IL6R: variants seen among roughly 807,000 people sequenced by gnomAD.
IL6R encodes the protein interleukin-6 receptor subunit alpha.
IL6R carries 38 observed loss-of-function variants against 48.3 expected under a neutral mutation model. The observed-to-expected ratio is 0.79, with a 90% CI of 0.61 to 1.03. The LOEUF is 1.03. Ranked by LOEUF, IL6R falls within the 50% of genes least tolerant of loss-of-function variation. The pLI, the probability that IL6R is intolerant of heterozygous loss-of-function variation, is 0.00. For synonymous variants in IL6R, 264 were observed against 256.2 expected (o/e 1.03, Z -0.29); for missense variants, 534 against 618.3 (o/e 0.86, Z 1.45).
intron 6 of IL6R, among the ~76,000 whole-genome samples, chr1:154,437,742 C>G (rs550476758): frequency 2.0e-5 from 3 of 150,754 alleles, no homozygotes; most frequent in Admixed American, 1.3e-4. Context: ...TAGACGGAAT[C>G]TCGCTCTGTT....
intron 1 of IL6R, among the ~76,000 whole-genome samples, chr1:154,419,142 C>T: frequency 6.6e-6 from 1 of 152,070 alleles, no homozygotes; most frequent in Admixed American, 6.5e-5. Context: ...GGGCAAGTTC[C>T]CTAACTTCTC....
In IL6R at chr1:154,414,785, C is replaced by G. The variant is rs1688237073; in HGVS notation, c.85+9071C>G. 1.0e-5 allele frequency: 8 copies of G among 762,054 alleles called. No individual in the cohort carries two copies. In the South Asian group the frequency reaches 1.1e-4, roughly 11 times the overall value. 47.2% of individuals were successfully genotyped at this position (762,054 alleles called of 1,614,324 possible). A position where few individuals can be genotyped will look rare whatever the true frequency, so the allele number is the denominator to read the frequency against. On this transcript the variant is annotated intron_variant, in intron 1 of 9. Coordinates refer to ENST00000368485, the MANE Select transcript of IL6R (RefSeq NM_000565.4). ...TCCTTGGCAGGCAGCCACTCCAGCTCCATGTGGAACTCAGCCACCCGCTTC... is the reference window on the plus strand; with the variant it reads ...TCCTTGGCAGGCAGCCACTCCAGCTGCATGTGGAACTCAGCCACCCGCTTC...
At chr1:154,432,716 C>T (rs1689368902) in intron 3 of IL6R, among the ~76,000 whole-genome samples, 1 of 152,208 alleles carries the variant, frequency 6.6e-6, no homozygotes, top group East Asian at 1.9e-4. Context: ...TGCTTGTCCT[C>T]CCGAGCAGCC....
At chr1:154,464,667 A>G (rs982398107) in intron 9 of IL6R, among the ~76,000 whole-genome samples, 24 of 152,130 alleles carry the variant, frequency 1.6e-4, no homozygotes, top group Non-Finnish European at 4.4e-5. Flanking sequence ...CCTGGTGATA[A>G]AAACAGTCGG....
intron 8 of IL6R, among the ~76,000 whole-genome samples, chr1:154,451,160 G>A (rs1690557992): frequency 6.6e-6 from 1 of 152,222 alleles, no homozygotes; most frequent in South Asian, 2.1e-4. Flanking sequence ...AAAGCTCATG[G>A]AGGAAGTGCC....
At chr1:154,459,618 AT>A (rs893068424) in intron 9 of IL6R, among the ~76,000 whole-genome samples, 1 of 151,892 alleles carries the variant, frequency 6.6e-6, no homozygotes, top group African/African-American at 2.4e-5. Flanking sequence ...AATATCAGTG[AT>A]TTTTTTCTTT....
intron 1 of IL6R, among the ~76,000 whole-genome samples, chr1:154,416,830 G>T (rs1453006028): frequency 6.6e-6 from 1 of 151,816 alleles, no homozygotes; most frequent in Non-Finnish European, 1.5e-5. Context: ...CACACTGGGT[G>T]GGTTTTTACA....
At chr1:154,419,263 G>A (rs956719916) in intron 1 of IL6R, among the ~76,000 whole-genome samples, 12 of 152,174 alleles carry the variant, frequency 7.9e-5, no homozygotes, top group Non-Finnish European at 1.5e-5. Flanking sequence ...AAGTGTCCCA[G>A]TTGCTAATGA....
At position 154,468,296 on chromosome 1, in the gene IL6R, C is replaced by T. The variant is rs112227838; in HGVS notation, c.*2916C>T. On this transcript the variant is annotated 3_prime_UTR_variant, in exon 10 of 10. Coordinates refer to ENST00000368485, the MANE Select transcript of IL6R (RefSeq NM_000565.4). Reference sequence around the variant, plus strand: ...CAGCACCCCCACTGCCTTGAGTCCCCAGCAGTGCTGTTATTTGCCTAACAC... The same window carrying T: ...CAGCACCCCCACTGCCTTGAGTCCCTAGCAGTGCTGTTATTTGCCTAACAC... 2 of 152,336 alleles carry T rather than the reference C, an allele frequency of 1.3e-5. No homozygotes were observed. The highest frequency in any genetic ancestry group is 4.8e-5 in the African/African-American group (2 of 41,554). The allele number at this position is 152,336 out of a possible 1,614,324, so 9.4% of individuals were successfully genotyped here.
Position 154,468,517 on chromosome 1 carries a change from T to C in IL6R, c.*3137T>C, listed in dbSNP as rs1240748226. On this transcript the variant is annotated 3_prime_UTR_variant, in exon 10 of 10. Coordinates refer to ENST00000368485, the MANE Select transcript of IL6R (RefSeq NM_000565.4). ...GTGTCCAGGGGTAGCACTGGCTATG[T>C]TGACGAGGCCTTTGGTAACTCAGAG... 6.6e-6 allele frequency: 1 copy of C among 152,266 alleles called. No homozygotes were observed. The highest frequency in any genetic ancestry group is 1.5e-5 in the Non-Finnish European group (1 of 68,056). The allele number at this position is 152,266 out of a possible 1,614,324, so 9.4% of individuals were successfully genotyped here.
intron 1 of IL6R, among the ~76,000 whole-genome samples, chr1:154,420,816 G>A (rs1484388499): frequency 6.6e-6 from 1 of 152,160 alleles, no homozygotes; most frequent in Non-Finnish European, 1.5e-5. Flanking sequence ...GATTACAGGC[G>A]TGAGCCACTG....
intron 1 of IL6R, among the ~76,000 whole-genome samples, chr1:154,424,692 C>T (rs914225548): frequency 6.6e-5 from 10 of 152,186 alleles, no homozygotes; most frequent in African/African-American, 2.4e-4. Flanking sequence ...CGCATTCAGG[C>T]ACTGATGGAC....
chr1:154,414,517 G>C, intron 1 of IL6R: 1 of 804,230 alleles, frequency 1.2e-6, no homozygotes, highest in South Asian at 1.4e-5. Context: ...TGGTGTAGTC[G>C]GTCATCTTTT....
chr1:154,465,077 C>G, intron 9 of IL6R, 57 bp from the exon 10 acceptor site: 5 of 1,606,970 alleles, frequency 3.1e-6, no homozygotes, highest in Non-Finnish European at 4.3e-6. Context: ...CCACTGTGGG[C>G]TTGTCACAGG....
rs779577954 is a variant in IL6R, at chr1:154,449,937, T to A, written c.1023T>A (p.Asp341Glu). ...MQALTTNKDD[D>E]NILFRDSANA... Reference sequence around the variant, plus strand: ...CACTTACTACTAATAAAGACGATGATAATATTCTCTTCAGAGATTCTGCAA... The same window carrying A: ...CACTTACTACTAATAAAGACGATGAAAATATTCTCTTCAGAGATTCTGCAA... The change falls in exon 8 of 10, where the codon GAT becomes GAA. Residue 341 changes from aspartate (D) to glutamate (E), a missense_variant. Asp to Glu is a conservative substitution (Grantham distance 45, BLOSUM62 2). Coordinates refer to ENST00000368485, the MANE Select transcript of IL6R (RefSeq NM_000565.4). 6.2e-7 allele frequency: 1 copy of A among 1,610,486 alleles called. No homozygotes were observed. The highest frequency in any genetic ancestry group is 8.5e-7 in the Non-Finnish European group (1 of 1,176,708).
intron 1 of IL6R, among the ~76,000 whole-genome samples, chr1:154,412,413 A>G (rs1208994839): frequency 2.6e-5 from 4 of 151,118 alleles, no homozygotes; most frequent in Non-Finnish European, 5.9e-5. Flanking sequence ...CTGCCACCAC[A>G]CCCGGCTAAT....
intron 2 of IL6R, 22 bp downstream of exon 2, chr1:154,429,466 C>T (rs376818209): frequency 3.1e-5 from 49 of 1,593,808 alleles, no homozygotes; most frequent in Middle Eastern, 1.7e-4. Context: ...CTCAGAGGTC[C>T]CGGAGATAGT....
At chr1:154,438,451 T>C (rs74920880) in intron 6 of IL6R, among the ~76,000 whole-genome samples, 1,528 of 152,200 alleles carry the variant, frequency 0.01, 31 homozygotes, top group African/African-American at 0.034. Flanking sequence ...TGGGGTCAAA[T>C]GTTTCTAGCC....
At chr1:154,462,530 T>C (rs955115669) in intron 9 of IL6R, among the ~76,000 whole-genome samples, 4 of 151,550 alleles carry the variant, frequency 2.6e-5, no homozygotes, top group Non-Finnish European at 2.9e-5. Flanking sequence ...CCTGCTACCA[T>C]GCCTGGCTAA....
Sources: gnomAD v4.1 joint callset for allele counts (sites outside exome capture counted in the v4.1 genomes callset) on GRCh38, gnomAD v4.1.1 for gene constraint, MANE v1.5 for transcripts, NCBI Gene and HGNC (gene_info 2026-07-23, HGNC 2026-07-21) for gene names.